Variants in BMPR1A observed in about 807,000 individuals in gnomAD.
The protein encoded by BMPR1A is bone morphogenetic protein receptor type-1A.
In BMPR1A, 7 loss-of-function variants were observed where a neutral mutation model predicts 66.0. That is an observed-to-expected ratio of 0.11 (90% confidence interval 0.06 to 0.20). The LOEUF (loss-of-function observed/expected upper bound fraction) is 0.20, where lower values mean the gene tolerates loss of function less well. Ranked by LOEUF, BMPR1A falls within the 10% of genes least tolerant of loss-of-function variation. The pLI is 1.00. For missense variants in BMPR1A, 408 were observed against 669.1 expected, an observed-to-expected ratio of 0.61 and a Z score of 4.31; for synonymous variants, 200 against 229.7, an observed-to-expected ratio of 0.87 and a Z score of 1.17.
intron 2 of BMPR1A, among the ~76,000 whole-genome samples, chr10:86,849,978 C>T (rs1482653389): frequency 6.6e-6 from 1 of 152,062 alleles, no homozygotes. Flanking sequence ...CAGAAAGCAT[C>T]TTGCTCTCTT....
intron 4 of BMPR1A, among the ~76,000 whole-genome samples, chr10:86,891,152 G>C (rs907152059): frequency 6.6e-6 from 1 of 152,178 alleles, no homozygotes; most frequent in Non-Finnish European, 1.5e-5. Flanking sequence ...TAGGTTTGCT[G>C]CTTGTCCCCT....
chr10:86,827,260 A>G (rs1233803098), intron 1 of BMPR1A, among the ~76,000 whole-genome samples: 1 of 151,812 alleles, frequency 6.6e-6, no homozygotes, highest in East Asian at 1.9e-4. Context: ...AGCTTTATAC[A>G]TATGGAATTA....
chr10:86,818,137 G>A (rs1042026952), intron 1 of BMPR1A, among the ~76,000 whole-genome samples: 2 of 152,170 alleles, frequency 1.3e-5, no homozygotes, highest in African/African-American at 4.8e-5. Context: ...TCCTGCCTCA[G>A]CCTCCTAAGT....
chr10:86,759,723 T>G (rs940554029), intron 1 of BMPR1A, among the ~76,000 whole-genome samples: 1 of 152,212 alleles, frequency 6.6e-6, no homozygotes, highest in South Asian at 2.1e-4. Flanking sequence ...TTTTCTCTTT[T>G]TCAGGATCAT....
rs2132846946 is a variant in BMPR1A, at chr10:86,798,969, T to TA, written c.-267-39896_-267-39895insA. Among the ~76,000 whole-genome samples the TA allele has an allele frequency of 2.6e-5, 4 of 152,352 alleles. No homozygotes were observed. In the East Asian group the frequency reaches 7.7e-4, roughly 29 times the overall value. On this transcript the variant is annotated intron_variant, in intron 1 of 12. Coordinates refer to ENST00000372037, the MANE Select transcript of BMPR1A (RefSeq NM_004329.3). Reference sequence around the variant, plus strand: ...AAAAGCTTTGGTTTTTGCAAGACTTTGTTTTTAGAGATTCTGGAAAGGAAC... The same window carrying TA: ...AAAAGCTTTGGTTTTTGCAAGACTTTAGTTTTTAGAGATTCTGGAAAGGAAC...
intron 2 of BMPR1A, among the ~76,000 whole-genome samples, chr10:86,847,420 T>C (rs752947725): frequency 7.2e-5 from 11 of 152,186 alleles, no homozygotes; most frequent in Non-Finnish European, 1.2e-4. Flanking sequence ...TTATGTATTC[T>C]TTCTTCCTTC....
At chr10:86,883,927 T>C (rs1589760600) in intron 3 of BMPR1A, among the ~76,000 whole-genome samples, 1 of 148,766 alleles carries the variant, frequency 6.7e-6, no homozygotes, top group African/African-American at 2.5e-5. Flanking sequence ...CAGGCTGGAG[T>C]GCAGTGGCAC....
chr10:86,789,672 C>G (rs1337640877), intron 1 of BMPR1A, among the ~76,000 whole-genome samples: 1 of 150,180 alleles, frequency 6.7e-6, no homozygotes, highest in African/African-American at 2.5e-5. Flanking sequence ...AAAATCATGC[C>G]ACTGCACTCC....
intron 2 of BMPR1A, among the ~76,000 whole-genome samples, chr10:86,861,798 C>T (rs1203990934): frequency 1.3e-5 from 2 of 152,172 alleles, no homozygotes; most frequent in Admixed American, 6.5e-5. Context: ...TTTTCCTCAC[C>T]GGATCTTGAC....
intron 1 of BMPR1A, among the ~76,000 whole-genome samples, chr10:86,802,004 GC>G (rs1429743506): frequency 1.3e-5 from 2 of 151,898 alleles, no homozygotes; most frequent in Admixed American, 6.6e-5. Flanking sequence ...GTGAGCCACC[GC>G]CCCCCACCCT....
At position 86,925,177 on chromosome 10, in the gene BMPR1A, A is replaced by G. The variant is rs1207796259; in HGVS notation, c.*1458A>G. On this transcript the variant is annotated 3_prime_UTR_variant, in exon 13 of 13. Transcript: ENST00000372037. ...TAACTGTTCTTCAATAAAATGGTTC[A>G]TATTTTATAGATGCCTTGTTATCTC... is the stretch of plus-strand genomic sequence containing the variant. 2 of 231,038 alleles carry G rather than the reference A, an allele frequency of 8.7e-6. No individual in the cohort carries two copies. The highest frequency in any genetic ancestry group is 1.2e-4 in the East Asian group (2 of 16,166). 14.3% of individuals were successfully genotyped at this position (231,038 alleles called of 1,614,324 possible).
intron 2 of BMPR1A, among the ~76,000 whole-genome samples, chr10:86,846,139 G>T (rs1200670890): frequency 6.6e-6 from 1 of 152,122 alleles, no homozygotes; most frequent in African/African-American, 2.4e-5. Context: ...GCCCTCAGTT[G>T]TGCTGGCAGT....
chr10:86,900,446 T>A (rs561094580), intron 7 of BMPR1A, among the ~76,000 whole-genome samples: 41 of 151,120 alleles, frequency 2.7e-4, no homozygotes, highest in African/African-American at 1.0e-3. Flanking sequence ...TTTTGCGTTA[T>A]AATTCTTTAG....
At chr10:86,894,685 G>A (rs1437433642) in intron 5 of BMPR1A, among the ~76,000 whole-genome samples, 5 of 152,250 alleles carry the variant, frequency 3.3e-5, no homozygotes, top group African/African-American at 1.2e-4. Flanking sequence ...CTCTGCTCTC[G>A]TTTTCTCATC....
chr10:86,902,172 A>C (rs1589283601), intron 7 of BMPR1A, among the ~76,000 whole-genome samples: 1 of 152,310 alleles, frequency 6.6e-6, no homozygotes, highest in East Asian at 1.9e-4. Context: ...TAATGTGTAT[A>C]GTAAAATATT....
intron 1 of BMPR1A, among the ~76,000 whole-genome samples, chr10:86,815,275 T>A (rs1264172037): frequency 6.6e-6 from 1 of 152,250 alleles, no homozygotes; most frequent in Non-Finnish European, 1.5e-5. Flanking sequence ...CTGTTTCTAC[T>A]ACTGCCCCTC....
chr10:86,887,789 G>A (rs143036119), intron 3 of BMPR1A, among the ~76,000 whole-genome samples: 1 of 152,290 alleles, frequency 6.6e-6, no homozygotes, highest in East Asian at 1.9e-4. Context: ...GGATTTTAAA[G>A]CTGGTCAGGT....
At chr10:86,886,425 G>C (rs1315012286) in intron 3 of BMPR1A, among the ~76,000 whole-genome samples, 1 of 152,196 alleles carries the variant, frequency 6.6e-6, no homozygotes, top group Admixed American at 6.5e-5. Context: ...CCTTAGTAGA[G>C]GCATGATGTG....
chr10:86,880,935 T>G (rs909975763), intron 3 of BMPR1A, among the ~76,000 whole-genome samples: 2 of 152,158 alleles, frequency 1.3e-5, no homozygotes, highest in African/African-American at 4.8e-5. Flanking sequence ...GGGCTGTGAC[T>G]TACACCTGTA....
Sources: gnomAD v4.1 joint callset for allele counts (sites outside exome capture counted in the v4.1 genomes callset) on GRCh38, gnomAD v4.1.1 for gene constraint, MANE v1.5 for transcripts, NCBI Gene and HGNC (gene_info 2026-07-23, HGNC 2026-07-21) for gene names.